PCDH9: variants seen among roughly 807,000 people sequenced by gnomAD.
PCDH9 encodes protocadherin-9.
A neutral mutation model predicts 70.6 loss-of-function variants in PCDH9; 24 were observed. The observed-to-expected ratio is 0.34, with a 90% confidence interval of 0.25 to 0.48. PCDH9 has a LOEUF of 0.48. Ranked by LOEUF, PCDH9 falls within the 20% of genes least tolerant of loss-of-function variation. The probability of loss-of-function intolerance (pLI) is 0.99; values close to 1 mark genes in which losing one functional copy is unlikely to be tolerated. For missense variants in PCDH9, 1,281 were observed against 1,503.6 expected, an observed-to-expected ratio of 0.85 and a Z score of 2.45; for synonymous variants, 562 against 558.5, an observed-to-expected ratio of 1.01 and a Z score of -0.09.
At chr13:66,437,810 A>G (rs1343740780) in intron 4 of PCDH9, among the ~76,000 whole-genome samples, 1 of 152,136 alleles carries the variant, frequency 6.6e-6, no homozygotes, top group Non-Finnish European at 1.5e-5. Flanking sequence ...TACCTAAAAT[A>G]ATTTCATACT....
chr13:66,926,910 A>T (rs2082726121), intron 2 of PCDH9, among the ~76,000 whole-genome samples: 1 of 152,100 alleles, frequency 6.6e-6, no homozygotes, highest in African/African-American at 2.4e-5. Context: ...TGCATACAAG[A>T]GTACAAGGTG....
chr13:67,161,763 G>A (rs1460078946), intron 2 of PCDH9, among the ~76,000 whole-genome samples: 3 of 152,170 alleles, frequency 2.0e-5, no homozygotes, highest in Admixed American at 6.5e-5. Context: ...TAGTTAGTCA[G>A]GGAGAATAAT....
intron 4 of PCDH9, among the ~76,000 whole-genome samples, chr13:66,415,503 T>C (rs910947769): frequency 6.6e-6 from 1 of 152,174 alleles, no homozygotes; most frequent in African/African-American, 2.4e-5. Context: ...TACTATAATG[T>C]GGCTAGGTAG....
chr13:66,624,217 T>C (rs1282205863), intron 4 of PCDH9, among the ~76,000 whole-genome samples: 1 of 152,252 alleles, frequency 6.6e-6, no homozygotes, highest in African/African-American at 2.4e-5. Context: ...ATCCTAGTTA[T>C]ATTTGTTTAA....
intron 2 of PCDH9, among the ~76,000 whole-genome samples, chr13:67,056,651 C>G (rs538184050): frequency 6.6e-6 from 1 of 152,106 alleles, no homozygotes; most frequent in Admixed American, 6.6e-5. Context: ...ACTGATTAAC[C>G]TCTCAATTCA....
At chr13:66,870,963 C>T (rs902378772) in intron 3 of PCDH9, among the ~76,000 whole-genome samples, 5 of 152,080 alleles carry the variant, frequency 3.3e-5, no homozygotes, top group African/African-American at 1.2e-4. Context: ...GCACTATTCA[C>T]AATAGCAAAG....
intron 3 of PCDH9, among the ~76,000 whole-genome samples, chr13:66,829,717 C>CAAAAAAAAAAA (rs562176354): frequency 0.068 from 3,624 of 53,046 alleles, 968 homozygotes; most frequent in Admixed American, 0.11. Flanking sequence ...GACTCCGTCT[C>CAAAAAAAAAAA]AAAAAAAAAA....
chr13:67,010,034 T>G (rs1185939303), intron 2 of PCDH9, among the ~76,000 whole-genome samples: 1 of 151,992 alleles, frequency 6.6e-6, no homozygotes, highest in Admixed American at 6.6e-5. Flanking sequence ...GTTCAGGAAA[T>G]GTGAAGAGCA....
chr13:66,425,164 T>C (rs1206818755), intron 4 of PCDH9, among the ~76,000 whole-genome samples: 2 of 151,872 alleles, frequency 1.3e-5, no homozygotes, highest in South Asian at 4.1e-4. Context: ...ACTATATATA[T>C]TCTTTGAAAA....
At chr13:66,416,998 T>C (rs1461182610) in intron 4 of PCDH9, among the ~76,000 whole-genome samples, 1 of 152,310 alleles carries the variant, frequency 6.6e-6, no homozygotes, top group East Asian at 1.9e-4. Context: ...TGTATAATCC[T>C]GAGTAGGACA....
chr13:66,518,631 A>T (rs1212208827), intron 4 of PCDH9, among the ~76,000 whole-genome samples: 1 of 152,046 alleles, frequency 6.6e-6, no homozygotes, highest in East Asian at 1.9e-4. Context: ...GTTTATTTAC[A>T]CTCTAGGGAT....
chr13:66,529,533 A>G (rs1203759021), intron 4 of PCDH9, among the ~76,000 whole-genome samples: 1 of 152,086 alleles, frequency 6.6e-6, no homozygotes, highest in East Asian at 1.9e-4. Context: ...ACTAATAACT[A>G]AACTGTTTGT....
At chr13:66,740,116 A>G (rs1161369418) in intron 3 of PCDH9, among the ~76,000 whole-genome samples, 13 of 147,804 alleles carry the variant, frequency 8.8e-5, no homozygotes, top group South Asian at 2.2e-4. Context: ...CAAATGTAAA[A>G]GAACAGAAAT....
At chr13:67,041,732 G>A (rs1394614293) in intron 2 of PCDH9, among the ~76,000 whole-genome samples, 1 of 151,530 alleles carries the variant, frequency 6.6e-6, no homozygotes, top group Non-Finnish European at 1.5e-5. Flanking sequence ...TCGGGAGGCT[G>A]AGGCAGGAGA....
intron 4 of PCDH9, among the ~76,000 whole-genome samples, chr13:66,332,183 T>C (rs1206609229): frequency 6.6e-6 from 1 of 152,108 alleles, no homozygotes; most frequent in Non-Finnish European, 1.5e-5. Context: ...TCCAAACTTC[T>C]GAGGCATTTA....
At chr13:66,344,929 A>G (rs1956189780) in intron 4 of PCDH9, among the ~76,000 whole-genome samples, 1 of 152,222 alleles carries the variant, frequency 6.6e-6, no homozygotes, top group Non-Finnish European at 1.5e-5. Flanking sequence ...CAGGGAAAGA[A>G]AACTAAGGAA....
chr13:66,613,478 G>T (rs2077318441), intron 4 of PCDH9, among the ~76,000 whole-genome samples: 1 of 152,162 alleles, frequency 6.6e-6, no homozygotes, highest in Non-Finnish European at 1.5e-5. Flanking sequence ...CTTTAATTGT[G>T]AGAAAGGATT....
intron 3 of PCDH9, among the ~76,000 whole-genome samples, chr13:66,667,555 AG>A (rs1187170461): frequency 1.3e-5 from 2 of 152,168 alleles, no homozygotes; most frequent in Non-Finnish European, 2.9e-5. Context: ...GATGGATCAT[AG>A]GTTAAGAACT....
At chr13:66,510,560 T>G (rs1321480705) in intron 4 of PCDH9, among the ~76,000 whole-genome samples, 2 of 152,098 alleles carry the variant, frequency 1.3e-5, no homozygotes, top group Admixed American at 1.3e-4. Context: ...CCTTCCTGTG[T>G]CCAGGTGTTC....
Sources: gnomAD v4.1 joint callset for allele counts (sites outside exome capture counted in the v4.1 genomes callset) on GRCh38, gnomAD v4.1.1 for gene constraint, MANE v1.5 for transcripts, NCBI Gene and HGNC (gene_info 2026-07-23, HGNC 2026-07-21) for gene names.